The following ANO4 variants were observed in gnomAD, a reference collection of about 807,000 sequenced individuals.
The protein encoded by ANO4 is anoctamin 4, also known as anoctamin-4.
Under a neutral mutation model 141.9 loss-of-function variants are expected in ANO4, and 69 were observed. The observed-to-expected ratio is 0.49, with a 90% CI of 0.40 to 0.59. The LOEUF (loss-of-function observed/expected upper bound fraction) is 0.59, where lower values mean the gene tolerates loss of function less well. Ranked by LOEUF, ANO4 falls within the 20% of genes least tolerant of loss-of-function variation. The pLI is 0.00. For synonymous variants in ANO4, 350 were observed against 394.3 expected (o/e 0.89, Z 1.33); for missense variants, 894 against 1,162.2 (o/e 0.77, Z 3.36).
At chr12:101,023,964 A>G (rs1333926139) in intron 9 of ANO4, among the ~76,000 whole-genome samples, 1 of 152,226 alleles carries the variant, frequency 6.6e-6, no homozygotes, top group Admixed American at 6.5e-5. Flanking sequence ...ATGAGCCAAC[A>G]TCGATTAGAA....
intron 3 of ANO4, among the ~76,000 whole-genome samples, chr12:100,933,345 C>T (rs1457058095): frequency 6.6e-6 from 1 of 152,114 alleles, no homozygotes; most frequent in South Asian, 2.1e-4. Context: ...GTTCAGTTCC[C>T]ACCTATGAGT....
intron 16 of ANO4, among the ~76,000 whole-genome samples, chr12:101,084,511 C>T (rs1476832920): frequency 1.3e-5 from 2 of 152,124 alleles, no homozygotes; most frequent in Non-Finnish European, 1.5e-5. Flanking sequence ...TAGGATCCTC[C>T]TTTCCTTTTT....
At chr12:100,746,537 A>T (rs1357614724) in intron 3 of ANO4, among the ~76,000 whole-genome samples, 3 of 152,152 alleles carry the variant, frequency 2.0e-5, no homozygotes, top group Non-Finnish European at 4.4e-5. Context: ...CCCACTTAGA[A>T]GAATGATTTC....
chr12:100,724,032 A>AAAC lies in ANO4; in HGVS notation c.22+6487_22+6488insCAA, dbSNP rs2030988626. 2.5e-5 allele frequency among the ~76,000 whole-genome samples: 3 copies of AAAC among 119,876 alleles called. 1 individual carries two copies. Among genetic ancestry groups the AAAC allele is most frequent in the African/African-American group, 7.0e-5 (2 of 28,728 alleles). The allele number at this position is 119,876 out of a possible 152,430, so 78.6% of individuals were successfully genotyped here. ...AAAACAAAAACAAACAAAAAACAAA[A>AAAC]AAACAAAAAAACCTTGCCTGTTTCA... On this transcript the variant is annotated intron_variant, in intron 1 of 29. Transcript: ENST00000644049.
At chr12:100,820,419 A>G (rs544460392) in intron 1 of ANO4, among the ~76,000 whole-genome samples, 1 of 151,818 alleles carries the variant, frequency 6.6e-6, no homozygotes, top group Admixed American at 6.6e-5. Flanking sequence ...GAATTGACAG[A>G]GCACAAGCAG....
At chr12:101,094,710 G>A (rs752139400) in intron 18 of ANO4, among the ~76,000 whole-genome samples, 7 of 152,290 alleles carry the variant, frequency 4.6e-5, no homozygotes, top group Non-Finnish European at 1.0e-4. Context: ...GGAAGGCCAG[G>A]CATGGTGGCT....
chr12:101,096,714 G>C, intron 19 of ANO4, 67 bp downstream of exon 19: 2 of 1,246,264 alleles, frequency 1.6e-6, no homozygotes, highest in South Asian at 2.4e-5. Flanking sequence ...ACTGACTCGT[G>C]GGGACAGAGA....
Position 101,083,691 on chromosome 12 carries a change from C to A in ANO4, c.1409C>A (p.Pro470His). ...DWEEEEEEIR[P>H]QFEAKYSKKE... ...CTTGTCCTTTAGGAAGAAATACGAC[C>A]CCAGTTTGAAGCCAAGTATTCCAAG... The change falls in exon 16 of 28, where the codon CCC becomes CAC. Residue 470 changes from proline to histidine, a missense_variant. Physicochemically the swap from Pro to His is moderately conservative, Grantham distance 77 (BLOSUM62 -2). This residue lies in a region of ANO4 where 637 missense variants were observed against 909.2 expected (regional missense o/e 0.70). Transcript: ENST00000392977. The A allele has an allele frequency of 6.2e-7, 1 of 1,606,842 alleles. No homozygotes were observed. The highest frequency in any genetic ancestry group is 8.5e-7 in the Non-Finnish European group (1 of 1,178,322).
At chr12:100,917,176 A>G (rs1352570449) in intron 2 of ANO4, among the ~76,000 whole-genome samples, 2 of 152,218 alleles carry the variant, frequency 1.3e-5, no homozygotes, top group Admixed American at 1.3e-4. Flanking sequence ...TGGATTTTGT[A>G]GCTATTCTTG....
chr12:101,051,403 G>A (rs928320320), intron 14 of ANO4, among the ~76,000 whole-genome samples: 2 of 152,126 alleles, frequency 1.3e-5, no homozygotes, highest in Non-Finnish European at 2.9e-5. Context: ...GACATGCCTG[G>A]AATAATTCAC....
intron 1 of ANO4, among the ~76,000 whole-genome samples, chr12:100,875,834 G>A (rs1046978276): frequency 2.0e-5 from 3 of 152,180 alleles, no homozygotes; most frequent in Non-Finnish European, 4.4e-5. Flanking sequence ...TCAGAGCACT[G>A]AGGTAGAGAG....
intron 8 of ANO4, among the ~76,000 whole-genome samples, chr12:100,989,132 G>T (rs1318440498): frequency 1.3e-5 from 2 of 152,258 alleles, no homozygotes; most frequent in Non-Finnish European, 2.9e-5. Flanking sequence ...GATCCCCACA[G>T]GTCAGATTAA....
At chr12:100,912,245 A>G (rs1313293216) in intron 2 of ANO4, among the ~76,000 whole-genome samples, 1 of 151,920 alleles carries the variant, frequency 6.6e-6, no homozygotes. Flanking sequence ...AAATACATAA[A>G]TTAACCAGAC....
rs763949654 is a variant in ANO4 at position 100,806,524 on chromosome 12, G to GTTTTTTTTTTTTTT, written c.-141+11520_-141+11533dup. Among the ~76,000 whole-genome samples, 54 of 59,860 alleles carry GTTTTTTTTTTTTTT rather than the reference G, an allele frequency of 9.0e-4. 15 individuals carry two copies. Among genetic ancestry groups the GTTTTTTTTTTTTTT allele is most frequent in the Non-Finnish European group, 1.5e-3 (45 of 30,952 alleles). 39.3% of individuals were successfully genotyped at this position (59,860 alleles called of 152,430 possible). On this transcript the variant is annotated intron_variant, in intron 1 of 27. Coordinates refer to ENST00000392977, the MANE Select transcript of ANO4 (RefSeq NM_001286615.2). ...TTTTAGGAGGTTTTTTTTTTGTTTC[G>GTTTTTTTTTTTTTT]TTTTTTTTTTTTTTTTTTTTTTTTT...
At chr12:101,099,058 G>A (rs928907221) in intron 21 of ANO4, among the ~76,000 whole-genome samples, 14 of 152,302 alleles carry the variant, frequency 9.2e-5, no homozygotes, top group African/African-American at 3.4e-4. Flanking sequence ...GGGAGTCAGA[G>A]TCCCTGTGGA....
In ANO4 at chr12:101,083,753, C is replaced by A. The variant is rs754613555; in HGVS notation, c.1471C>A (p.Pro491Thr). ...RMNPISGKPEPYQAFTDKCSR... is the reference protein window; with the variant it reads ...RMNPISGKPETYQAFTDKCSR... Reference sequence around the variant, plus strand: ...GAATCCAATTTCTGGAAAGCCAGAACCTTATCAAGCATTTACAGATAAATG... The same window carrying A: ...GAATCCAATTTCTGGAAAGCCAGAAACTTATCAAGCATTTACAGATAAATG... The change falls in exon 16 of 28, where the codon CCT becomes ACT. Residue 491 changes from proline (P) to threonine (T), a missense_variant. Around this residue, in one of 2 missense-constraint regions of ANO4, gnomAD observed 637 missense variants for 909.2 expected, o/e 0.70. Transcript: ENST00000392977. 2 of 1,605,562 alleles carry A rather than the reference C, an allele frequency of 1.2e-6. No individual in the cohort carries two copies. The highest frequency in any genetic ancestry group is 1.7e-6 in the Non-Finnish European group (2 of 1,177,950).
At chr12:100,997,491 G>A (rs972249767) in intron 8 of ANO4, among the ~76,000 whole-genome samples, 5 of 151,694 alleles carry the variant, frequency 3.3e-5, no homozygotes. Flanking sequence ...TATTGTTAAA[G>A]CATTCGAGAT....
intron 2 of ANO4, among the ~76,000 whole-genome samples, chr12:100,739,478 A>G (rs980716679): frequency 1.3e-5 from 2 of 152,148 alleles, no homozygotes; most frequent in African/African-American, 4.8e-5. Flanking sequence ...CAGTTTTCTC[A>G]TCTGTAAAAC....
At chr12:100,994,184 A>C (rs1457615522) in intron 8 of ANO4, among the ~76,000 whole-genome samples, 2 of 152,166 alleles carry the variant, frequency 1.3e-5, no homozygotes, top group Non-Finnish European at 2.9e-5. Context: ...CTTGAAAACC[A>C]TGGTTCTACT....
Sources: gnomAD v4.1 joint callset for allele counts (sites outside exome capture counted in the v4.1 genomes callset) on GRCh38, gnomAD v4.1.1 for gene constraint, gnomAD v4.1.1 regional missense constraint, MANE v1.5 for transcripts, NCBI Gene and HGNC (gene_info 2026-07-23, HGNC 2026-07-21) for gene names.